Variants in TERF2IP observed in about 807,000 individuals in gnomAD.
TERF2IP encodes TERF2 interacting protein, also known as telomeric repeat-binding factor 2-interacting protein 1.
TERF2IP carries 35 observed loss-of-function variants against 33.3 expected under a neutral mutation model. The observed-to-expected ratio is 1.05, with a 90% CI of 0.80 to 1.39. The LOEUF (loss-of-function observed/expected upper bound fraction) is 1.39, where lower values mean the gene tolerates loss of function less well. TERF2IP is among the 40% of genes most tolerant of loss of function. The pLI is 0.00. For synonymous variants in TERF2IP, 253 were observed against 223.2 expected (o/e 1.13, Z -1.19); for missense variants, 583 against 524.8 (o/e 1.11, Z -1.08).
In TERF2IP at chr16:75,654,210, A is replaced by G. The variant is rs2082367548; in HGVS notation, c.671-63A>G. 6.8e-6 allele frequency: 10 copies of G among 1,476,998 alleles called. No individual in the cohort carries two copies. The South Asian group carries it at 1.1e-4, about 16-fold the overall frequency. The allele number at this position is 1,476,998 out of a possible 1,614,324, so 91.5% of individuals were successfully genotyped here. On this transcript the variant is annotated intron_variant, in intron 1 of 2. Coordinates refer to ENST00000300086, the MANE Select transcript of TERF2IP (RefSeq NM_018975.4). Reference sequence around the variant, plus strand: ...CTCCTGGCCCAGAGCTCACACAGCAAATATATTTTTGGTTTATGTAAAAGA... The same window carrying G: ...CTCCTGGCCCAGAGCTCACACAGCAGATATATTTTTGGTTTATGTAAAAGA...
chr16:75,654,397 G>C lies in TERF2IP; in HGVS notation c.795G>C (p.Val265=). Residue 265 remains valine (V), a splice_region_variant and synonymous_variant, in exon 2 of 3, where the codon GTG becomes GTC. Transcript: ENST00000300086. ...VEATREFEEV[V]VDESPPDFEI... ...CCACCCGGGAGTTTGAGGAGGTTGT[G>C]GTATGTTAACTAGATTTACTCATTA... 1 of 1,612,102 alleles carries C rather than the reference G, an allele frequency of 6.2e-7. No homozygotes were observed. Among genetic ancestry groups the C allele is most frequent in the Non-Finnish European group, 8.5e-7 (1 of 1,178,814 alleles).
At chr16:75,654,843 C>T (rs2082372924) in intron 2 of TERF2IP, among the ~76,000 whole-genome samples, 1 of 152,034 alleles carries the variant, frequency 6.6e-6, no homozygotes, top group African/African-American at 2.4e-5. Flanking sequence ...ATTCTCCTGC[C>T]TCAGCCTCCC....
chr16:75,652,645 A>C (rs959469034), intron 1 of TERF2IP, among the ~76,000 whole-genome samples: 2 of 152,258 alleles, frequency 1.3e-5, no homozygotes, highest in Non-Finnish European at 2.9e-5. Flanking sequence ...AAATACATAC[A>C]GTAAAATTAA....
rs1878420666 is a variant in TERF2IP, at chr16:75,656,393, G to A, written c.982G>A (p.Asp328Asn). ...GCAGTTAATGGAGAAGTTTAACTTG[G>A]ATCTATCAACAGTTACACAGGCCTT... ...IRQLMEKFNL[D>N]LSTVTQAFLK... Residue 328 changes from aspartate (D) to asparagine (N), a missense_variant, in exon 3 of 3, where the codon GAT becomes AAT. Coordinates refer to ENST00000300086, the MANE Select transcript of TERF2IP (RefSeq NM_018975.4). 8 of 1,614,172 alleles carry A rather than the reference G, an allele frequency of 5.0e-6. No homozygotes were observed. The highest frequency in any genetic ancestry group is 6.8e-6 in the Non-Finnish European group (8 of 1,180,030).
chr16:75,652,280 C>T (rs2082353468), intron 1 of TERF2IP, among the ~76,000 whole-genome samples: 1 of 152,194 alleles, frequency 6.6e-6, no homozygotes, highest in Admixed American at 6.5e-5. Flanking sequence ...CTGTGGTTTA[C>T]TTTTTTTAAA....
In TERF2IP at chr16:75,648,500, C is replaced by G. The variant is rs750165673; in HGVS notation, c.618C>G (p.Ser206=). 3.2e-6 allele frequency: 5 copies of G among 1,585,168 alleles called. No individual in the cohort carries two copies. Among genetic ancestry groups the G allele is most frequent in the Non-Finnish European group, 4.3e-6 (5 of 1,165,214 alleles). Residue 206 remains serine (S), a synonymous_variant, in exon 1 of 3, where the codon TCC becomes TCG. Transcript: ENST00000300086. ...LLGDAPVSPS[S]QKLKRKAEED... The stretch of plus-strand genomic sequence containing the variant: ...GGGACGCGCCGGTGAGCCCCTCCTC[C>G]CAGAAGCTCAAGCGGAAGGCGGAGG...
In TERF2IP at chr16:75,656,629, A is replaced by G. The variant is rs751471311; in HGVS notation, c.*18A>G. The G allele has an allele frequency of 6.4e-7, 1 of 1,573,258 alleles. No homozygotes were observed. Among genetic ancestry groups the G allele is most frequent in the Non-Finnish European group, 8.6e-7 (1 of 1,161,872 alleles). ...AGAAATAATTGGCAAGATAATGAGA[A>G]AAGAAAAAAGTCATGGTAGGTGAGG... On this transcript the variant is annotated 3_prime_UTR_variant, in exon 3 of 3. Transcript: ENST00000300086.
chr16:75,648,580 G>C (rs1272668817), intron 1 of TERF2IP, 28 bp downstream of exon 1: 1 of 1,503,628 alleles, frequency 6.7e-7, no homozygotes, highest in African/African-American at 1.4e-5. Flanking sequence ...GGGGCCTCGC[G>C]GATATCTGCG....
In TERF2IP at chr16:75,650,321, G is replaced by C. The variant is rs566014651; in HGVS notation, c.670+1769G>C. ...CGAAGGAAGTGAAAGAGCAACCCAG[G>C]TGGATATCTGGGGAAGAGTGTTCAG... On this transcript the variant is annotated intron_variant, in intron 1 of 2. Transcript: ENST00000300086. 5.3e-5 allele frequency among the ~76,000 whole-genome samples: 8 copies of C among 152,298 alleles called. No individual in the cohort carries two copies. In the South Asian group the frequency reaches 1.7e-3, roughly 32 times the overall value.
intron 1 of TERF2IP, 34 bp downstream of exon 1, chr16:75,648,586 C>T (rs1169576351): frequency 2.0e-6 from 3 of 1,497,740 alleles, no homozygotes; most frequent in Non-Finnish European, 2.7e-6. Flanking sequence ...TCGCGGATAT[C>T]TGCGCGGGTG....
Position 75,648,121 on chromosome 16 carries a change from C to G in TERF2IP, c.239C>G (p.Ser80Cys). 1.3e-6 allele frequency: 2 copies of G among 1,558,594 alleles called. No homozygotes were observed. Among genetic ancestry groups the G allele is most frequent in the African/African-American group, 1.3e-5 (1 of 74,114 alleles). Residue 80 changes from serine to cysteine, a missense_variant, in exon 1 of 3, where the codon TCC becomes TGC. By Grantham distance (112) the Ser-to-Cys change is moderately radical. Coordinates refer to ENST00000300086, the MANE Select transcript of TERF2IP (RefSeq NM_018975.4). ...ALAEASGDFI[S>C]TQYILDCVER... Reference sequence around the variant, plus strand: ...GCCGAGGCCTCGGGTGATTTCATCTCCACGCAGTACATCCTGGACTGCGTG... The same window carrying G: ...GCCGAGGCCTCGGGTGATTTCATCTGCACGCAGTACATCCTGGACTGCGTG...
Position 75,648,210 on chromosome 16 carries a change from G to T in TERF2IP, c.328G>T (p.Gly110Cys). Residue 110 changes from glycine to cysteine, a missense_variant, in exon 1 of 3, where the codon GGC becomes TGC. Gly to Cys is a radical substitution (Grantham distance 159). Transcript: ENST00000300086. ...GGGCCCCGCCTCGGCGGCGGACACCGGCTCGGAAGCAAAGCCCGGGGCCCT... is the reference window on the plus strand; with the variant it reads ...GGGCCCCGCCTCGGCGGCGGACACCTGCTCGGAAGCAAAGCCCGGGGCCCT... ...RLGPASAADT[G>C]SEAKPGALAE... The T allele has an allele frequency of 6.5e-7, 1 of 1,547,180 alleles. No homozygotes were observed. Among genetic ancestry groups the T allele is most frequent in the Non-Finnish European group, 8.7e-7 (1 of 1,147,900 alleles).
rs1362504474 is a variant in TERF2IP at position 75,648,173 on chromosome 16, G to A, written c.291G>A (p.Glu97=). ...CVERNERLEL[E]AYRLGPASAA... ...AGCGCAACGAGAGGCTGGAGCTGGA[G>A]GCCTATCGGCTGGGCCCCGCCTCGG... Residue 97 remains glutamate, a synonymous_variant, in exon 1 of 3, where the codon GAG becomes GAA. Transcript: ENST00000300086. 3.8e-6 allele frequency: 6 copies of A among 1,564,250 alleles called. No homozygotes were observed. Among genetic ancestry groups the A allele is most frequent in the Middle Eastern group, 2.0e-4 (1 of 5,030 alleles).
Position 75,647,882 on chromosome 16 carries a change from C to CATGGCGGAGGCGATGGATTTGGGCA in TERF2IP, c.2_26dup (p.Lys9AsnfsTer77). On this transcript the variant is annotated 5_prime_UTR_variant, in exon 1 of 3. In the 5' UTR this introduces an upstream ATG that the reference lacks. Coordinates refer to ENST00000300086, the MANE Select transcript of TERF2IP (RefSeq NM_018975.4). ...TCTTCTAGTAGTGCTCGGCGTCAGA[C>CATGGCGGAGGCGATGGATTTGGGCA]ATGGCGGAGGCGATGGATTTGGGCA... 6.2e-7 allele frequency: 1 copy of CATGGCGGAGGCGATGGATTTGGGCA among 1,603,462 alleles called. No individual in the cohort carries two copies. The highest frequency in any genetic ancestry group is 8.5e-7 in the Non-Finnish European group (1 of 1,172,380).
Position 75,647,950 on chromosome 16 carries a change from G to T in TERF2IP, c.68G>T (p.Arg23Met). ...ACCCATTCCTCGACTCTGTTCGTGA[G>T]GGACGACGGCAGCTCCATGTCCTTC... is the stretch of plus-strand genomic sequence containing the variant. Reference protein sequence around the residue: ...GPTHSSTLFVRDDGSSMSFYV... With the variant: ...GPTHSSTLFVMDDGSSMSFYV... The change falls in exon 1 of 3, where the codon AGG becomes ATG. Residue 23 changes from arginine (R) to methionine (M), a missense_variant. By Grantham distance (91) the Arg-to-Met change is moderately conservative. Transcript: ENST00000300086. 1 of 1,613,704 alleles carries T rather than the reference G, an allele frequency of 6.2e-7. No individual in the cohort carries two copies. The highest frequency in any genetic ancestry group is 8.5e-7 in the Non-Finnish European group (1 of 1,179,742).
intron 2 of TERF2IP, among the ~76,000 whole-genome samples, 197 bp from the exon 3 acceptor site, chr16:75,656,010 C>T (rs2151820632): frequency 6.6e-6 from 1 of 152,184 alleles, no homozygotes; most frequent in Admixed American, 6.5e-5. Context: ...CACGCGCACA[C>T]ACACACGCGT....
intron 1 of TERF2IP, among the ~76,000 whole-genome samples, chr16:75,652,954 G>A (rs931572278): frequency 4.0e-5 from 6 of 151,820 alleles, no homozygotes; most frequent in Non-Finnish European, 7.4e-5. Context: ...CAACCATTCC[G>A]CCTTCTGTTT....
intron 1 of TERF2IP, among the ~76,000 whole-genome samples, chr16:75,653,624 T>C (rs1217267018): frequency 6.6e-6 from 1 of 152,206 alleles, no homozygotes; most frequent in East Asian, 1.9e-4. Context: ...TGGATTGTGG[T>C]ACGTGGCCCA....
At chr16:75,648,831 G>A in intron 1 of TERF2IP, 1 of 786,604 alleles carries the variant, frequency 1.3e-6, no homozygotes, top group South Asian at 3.5e-5. Context: ...TGGGATTACA[G>A]GAGTGAGCCA....
Sources: allele counts gnomAD v4.1 joint callset (sites outside exome capture counted in the v4.1 genomes callset), GRCh38; gene constraint gnomAD v4.1.1; transcripts MANE v1.5; gene names NCBI Gene and HGNC (gene_info 2026-07-23, HGNC 2026-07-21).